The following WDR37 variants were observed in gnomAD, a reference collection of about 807,000 sequenced individuals.
The protein encoded by WDR37 is WD repeat domain 37.
Under a neutral mutation model 62.9 loss-of-function variants are expected in WDR37, and 19 were observed. The ratio of observed to expected loss-of-function variants is 0.30; its 90% confidence interval spans 0.21 to 0.44. The LOEUF is 0.44. WDR37 is among the 20% of genes least tolerant of loss of function. WDR37 has a pLI of 1.00. For missense variants in WDR37, 474 were observed against 657.6 expected (o/e 0.72, Z 3.05); for synonymous variants, 250 against 260.9 (o/e 0.96, Z 0.40).
At position 1,131,332 on chromosome 10, in the gene WDR37, A is replaced by G. The variant is rs942083108; in HGVS notation, c.*1988A>G. On this transcript the variant is annotated 3_prime_UTR_variant, in exon 14 of 14. Coordinates refer to ENST00000263150, the MANE Select transcript of WDR37 (RefSeq NM_014023.4). ...TTGAAAGTCTGGGTGTCTTAGGATG[A>G]TGGTTAGGAACATTGAAAAATGGCT... 1 of 152,256 alleles carries G rather than the reference A, an allele frequency of 6.6e-6. No homozygotes were observed. The highest frequency in any genetic ancestry group is 1.5e-5 in the Non-Finnish European group (1 of 68,060). 9.4% of individuals were successfully genotyped at this position (152,256 alleles called of 1,614,324 possible).
chr10:1,112,695 A>G (rs1054037150), intron 11 of WDR37, among the ~76,000 whole-genome samples: 8 of 152,240 alleles, frequency 5.3e-5, no homozygotes, highest in African/African-American at 1.9e-4. Context: ...ATATGAAGGA[A>G]CTTTGAGTGG....
chr10:1,096,130 G>A, intron 8 of WDR37, 40 bp from the exon 9 acceptor site: 1 of 1,607,016 alleles, frequency 6.2e-7, no homozygotes, highest in Admixed American at 1.7e-5. Context: ...TTTTACCATG[G>A]TCTGTGCCTT....
chr10:1,078,642 C>T (rs1833944858), intron 3 of WDR37, among the ~76,000 whole-genome samples: 1 of 152,178 alleles, frequency 6.6e-6, no homozygotes, highest in African/African-American at 2.4e-5. Context: ...TTGCGCTGCT[C>T]TATTACTTTC....
At chr10:1,104,436 G>A (rs1834936951) in intron 10 of WDR37, among the ~76,000 whole-genome samples, 1 of 152,258 alleles carries the variant, frequency 6.6e-6, no homozygotes, top group Non-Finnish European at 1.5e-5. Flanking sequence ...TTCCTCTGCA[G>A]CTGGAGCTCC....
Position 1,096,246 on chromosome 10 carries a change from T to C in WDR37, c.726T>C (p.Ser242=), listed in dbSNP as rs1169723968. The C allele has an allele frequency of 6.2e-7, 1 of 1,614,122 alleles. No homozygotes were observed. Among genetic ancestry groups the C allele is most frequent in the East Asian group, 2.2e-5 (1 of 44,878 alleles). The change falls in exon 9 of 14, where the codon AGT becomes AGC. Residue 242 remains serine, a splice_region_variant and synonymous_variant. Transcript: ENST00000263150. ...CACCCCAGCCTGTTGCTGACACTAG[T>C]GTAAGCACCTTTCCTTACCTGTGAA... is the stretch of plus-strand genomic sequence containing the variant. ...LPTPQPVADT[S]ISGEDEVECS...
intron 11 of WDR37, among the ~76,000 whole-genome samples, chr10:1,112,646 A>G (rs978105709): frequency 2.0e-5 from 3 of 152,262 alleles, no homozygotes; most frequent in Non-Finnish European, 1.5e-5. Context: ...CTGCTACTCC[A>G]GTGAACACAC....
intron 8 of WDR37, 116 bp downstream of exon 8, chr10:1,093,612 G>GTA: frequency 1.1e-6 from 1 of 876,936 alleles, no homozygotes; most frequent in Non-Finnish European, 1.7e-6. Context: ...TTAATCTTTA[G>GTA]TAGACATTTT....
chr10:1,127,355 T>C (rs1835821441), intron 13 of WDR37, among the ~76,000 whole-genome samples: 1 of 152,228 alleles, frequency 6.6e-6, no homozygotes, highest in Non-Finnish European at 1.5e-5. Flanking sequence ...TGAAATAGAT[T>C]TATTTTTAAG....
chr10:1,066,173 T>A (rs1833534090), intron 1 of WDR37, among the ~76,000 whole-genome samples: 1 of 152,164 alleles, frequency 6.6e-6, no homozygotes, highest in South Asian at 2.1e-4. Context: ...TGGAGTGCAG[T>A]GGCGCGATCT....
At chr10:1,101,260 C>A (rs1310855658) in intron 9 of WDR37, among the ~76,000 whole-genome samples, 1 of 152,174 alleles carries the variant, frequency 6.6e-6, no homozygotes, top group Admixed American at 6.5e-5. Flanking sequence ...AACAACAGAT[C>A]CGTGTTCCCA....
Position 1,105,020 on chromosome 10 carries a change from T to G in WDR37, c.962-106T>G, listed in dbSNP as rs1834958810. 7.1e-7 allele frequency: 1 copy of G among 1,401,404 alleles called. No individual in the cohort carries two copies. Among genetic ancestry groups the G allele is most frequent in the African/African-American group, 1.4e-5 (1 of 70,408 alleles). The allele number at this position is 1,401,404 out of a possible 1,614,324, so 86.8% of individuals were successfully genotyped here. A position where few individuals can be genotyped will look rare whatever the true frequency, so the allele number is the denominator to read the frequency against. On this transcript the variant is annotated intron_variant, in intron 10 of 13. Transcript: ENST00000263150. This position sits in a 1 kb window ranked among gnomAD's most constrained non-coding sequence, Gnocchi z 5.3. ...GCTGAGTGATTCCATTAGGTCAGGT[T>G]CACAGTCTCAGAGAGACGGCTTCTT...
At chr10:1,062,787 TA>T (rs755072736) in intron 1 of WDR37, among the ~76,000 whole-genome samples, 2 of 152,116 alleles carry the variant, frequency 1.3e-5, no homozygotes, top group Non-Finnish European at 2.9e-5. Flanking sequence ...TGGACATATA[TA>T]AAACAAATGT....
intron 3 of WDR37, among the ~76,000 whole-genome samples, chr10:1,079,325 T>C (rs1833960279): frequency 6.6e-6 from 1 of 151,978 alleles, no homozygotes; most frequent in South Asian, 2.1e-4. Context: ...CCTCAAGTGA[T>C]CTGCCTGCCT....
At chr10:1,073,985 T>C (rs368023803) in intron 2 of WDR37, among the ~76,000 whole-genome samples, 34 of 152,194 alleles carry the variant, frequency 2.2e-4, no homozygotes, top group African/African-American at 4.8e-4. Flanking sequence ...GCAGGACTCC[T>C]GTGGTGGGGG....
chr10:1,059,729 G>A (rs2131599803), intron 1 of WDR37, among the ~76,000 whole-genome samples: 1 of 151,980 alleles, frequency 6.6e-6, no homozygotes, highest in South Asian at 2.1e-4. Flanking sequence ...CCCGGGAGGT[G>A]GAGGTTGCAG....
Position 1,121,604 on chromosome 10 carries a change from C to T in WDR37, c.1104-2614C>T, listed in dbSNP as rs1276845390. ...GCTTGTGTCCTGCCCCGTGTGATGCCGTGGTTTCCAGTTGGGCAGTTTCCC... is the reference window on the plus strand; with the variant it reads ...GCTTGTGTCCTGCCCCGTGTGATGCTGTGGTTTCCAGTTGGGCAGTTTCCC... On this transcript the variant is annotated intron_variant, in intron 11 of 13. Transcript: ENST00000263150. This position sits in a 1 kb window ranked among gnomAD's most constrained non-coding sequence, Gnocchi z 4.5. Among the ~76,000 whole-genome samples, 9 of 152,160 alleles carry T rather than the reference C, an allele frequency of 5.9e-5. No homozygotes were observed. Among genetic ancestry groups the T allele is most frequent in the Admixed American group, 1.3e-4 (2 of 15,274 alleles).
intron 6 of WDR37, among the ~76,000 whole-genome samples, chr10:1,085,557 A>G (rs1424002156): frequency 1.3e-5 from 2 of 152,220 alleles, no homozygotes; most frequent in Admixed American, 6.5e-5. Context: ...AAAATTGCTC[A>G]AATTACAAAT....
intron 11 of WDR37, among the ~76,000 whole-genome samples, chr10:1,110,036 A>G (rs191836095): frequency 6.6e-6 from 1 of 152,332 alleles, no homozygotes; most frequent in East Asian, 1.9e-4. Context: ...TGCCCGGGCC[A>G]TGCTTACTCA....
chr10:1,075,170 T>C (rs1299283021), intron 2 of WDR37, among the ~76,000 whole-genome samples: 1 of 152,198 alleles, frequency 6.6e-6, no homozygotes, highest in African/African-American at 2.4e-5. Context: ...TGGGCTCAAG[T>C]TGCCCTCTAG....
Sources: allele counts gnomAD v4.1 joint callset (sites outside exome capture counted in the v4.1 genomes callset), GRCh38; gene constraint gnomAD v4.1.1; non-coding constraint Gnocchi (gnomAD v3.1); transcripts MANE v1.5; gene names NCBI Gene and HGNC (gene_info 2026-07-23, HGNC 2026-07-21).